Variants in ACTR3C observed in about 807,000 individuals in gnomAD.
The protein encoded by ACTR3C is actin related protein 3C.
ACTR3C carries 18 observed loss-of-function variants against 26.3 expected under a neutral mutation model. The observed-to-expected ratio is 0.68, with a 90% CI of 0.47 to 1.01. ACTR3C has a LOEUF of 1.01. Ranked by LOEUF, ACTR3C falls within the 50% of genes least tolerant of loss-of-function variation. ACTR3C has a pLI of 0.00. For missense variants in ACTR3C, 184 were observed against 250.7 expected, an observed-to-expected ratio of 0.73 and a Z score of 1.80; for synonymous variants, 55 against 94.5, an observed-to-expected ratio of 0.58 and a Z score of 2.42.
the ACTR3C span, among the ~76,000 whole-genome samples, chr7:150,146,166 A>C: frequency 6.6e-6 from 1 of 151,878 alleles, no homozygotes; most frequent in Non-Finnish European, 1.5e-5. Flanking sequence ...CTGAAAATTT[A>C]CAATAAAAAT....
chr7:149,910,458 T>C, the ACTR3C span, among the ~76,000 whole-genome samples: 1 of 151,268 alleles, frequency 6.6e-6, no homozygotes, highest in African/African-American at 2.4e-5. Context: ...CTCCTAAATA[T>C]AAAAGGGGGG....
chr7:150,042,351 CCG>C, the ACTR3C span, among the ~76,000 whole-genome samples: 2 of 126,344 alleles, frequency 1.6e-5, no homozygotes, highest in Non-Finnish European at 3.4e-5. Context: ...GGGGGTGCCT[CCG>C]CCCCCAGCGA....
At chr7:150,263,627 G>T (rs903993968) in intron 6 of ACTR3C, among the ~76,000 whole-genome samples, 4 of 152,108 alleles carry the variant, frequency 2.6e-5, no homozygotes, top group African/African-American at 9.7e-5. Context: ...TTCAGATTCA[G>T]AAATCCCAGT....
the ACTR3C span, among the ~76,000 whole-genome samples, chr7:150,018,328 G>GCCA: frequency 0.53 from 78,993 of 147,764 alleles, 22,388 homozygotes; most frequent in East Asian, 0.64. Context: ...ACAGGCGTGA[G>GCCA]CCACAACTGG....
chr7:150,244,608 C>T (rs924639831), downstream of ACTR3C: 1 of 152,048 alleles, frequency 6.6e-6, no homozygotes, highest in African/African-American at 2.4e-5. Context: ...GAGCTAATGC[C>T]ATTTGGGAGC....
At chr7:150,210,324 A>T in the ACTR3C span, among the ~76,000 whole-genome samples, 5 of 150,826 alleles carry the variant, frequency 3.3e-5, no homozygotes, top group African/African-American at 5.0e-5. Context: ...TTTCTTTAAA[A>T]GTTGAACATA....
chr7:150,311,233 C>A (rs1446131750), intron 1 of ACTR3C, among the ~76,000 whole-genome samples: 1 of 152,144 alleles, frequency 6.6e-6, no homozygotes, highest in African/African-American at 2.4e-5. Flanking sequence ...TCATCTCAAC[C>A]TTTTTCCGTC....
At chr7:150,158,878 GCA>G in the ACTR3C span, among the ~76,000 whole-genome samples, 1 of 146,762 alleles carries the variant, frequency 6.8e-6, no homozygotes, top group Admixed American at 6.8e-5. Flanking sequence ...ACACACACGT[GCA>G]CACAGACGCA....
the ACTR3C span, among the ~76,000 whole-genome samples, chr7:150,198,792 CGGGA>C: frequency 2.5e-4 from 31 of 125,956 alleles, no homozygotes; most frequent in Admixed American, 2.3e-3. Flanking sequence ...CCGTGCCGTC[CGGGA>C]GGGAGGTGGG....
the ACTR3C span, among the ~76,000 whole-genome samples, chr7:150,138,859 C>T: frequency 6.6e-5 from 10 of 152,416 alleles, no homozygotes; most frequent in Non-Finnish European, 1.3e-4. Flanking sequence ...GCATCAGATC[C>T]TCATAGGAGT....
the ACTR3C span, among the ~76,000 whole-genome samples, chr7:150,085,261 G>A: frequency 2.0e-5 from 3 of 152,140 alleles, no homozygotes; most frequent in Non-Finnish European, 1.5e-5. Flanking sequence ...TCATCATATG[G>A]CCAGTATATG....
At chr7:150,251,471 T>C (rs1486603103) in intron 6 of ACTR3C, among the ~76,000 whole-genome samples, 3 of 152,210 alleles carry the variant, frequency 2.0e-5, no homozygotes, top group African/African-American at 7.2e-5. Flanking sequence ...TATAGAATTA[T>C]AACAATATTC....
At chr7:150,185,259 C>A in the ACTR3C span, among the ~76,000 whole-genome samples, 1 of 144,170 alleles carries the variant, frequency 6.9e-6, no homozygotes. Flanking sequence ...ATTGAATAGT[C>A]AATATTAAAT....
intron 6 of ACTR3C, among the ~76,000 whole-genome samples, chr7:150,253,156 G>A (rs765964941): frequency 5.9e-5 from 9 of 152,088 alleles, no homozygotes; most frequent in Non-Finnish European, 8.8e-5. Flanking sequence ...GTGGCAGAGC[G>A]GGCCCAACAG....
At chr7:150,161,202 T>TTATATA in the ACTR3C span, among the ~76,000 whole-genome samples, 655 of 102,990 alleles carry the variant, frequency 6.4e-3, 75 homozygotes, top group African/African-American at 0.027. Context: ...AGGAAAGTAT[T>TTATATA]TATATATATA....
At chr7:150,088,312 G>A in the ACTR3C span, among the ~76,000 whole-genome samples, 8 of 152,210 alleles carry the variant, frequency 5.3e-5, no homozygotes, top group East Asian at 5.8e-4. Context: ...GAATTTTCTC[G>A]AATTTCCATC....
At chr7:150,293,006 G>A (rs1322134773) in intron 3 of ACTR3C, among the ~76,000 whole-genome samples, 2 of 152,138 alleles carry the variant, frequency 1.3e-5, no homozygotes, top group Non-Finnish European at 2.9e-5. Context: ...ATCAAGCAGA[G>A]GCTCTGAAGA....
chr7:149,994,457 A>C, the ACTR3C span, among the ~76,000 whole-genome samples: 148,851 of 152,166 alleles, frequency 0.98, 72,854 homozygotes, highest in East Asian at 1. Context: ...ATTAGCTGGG[A>C]GTATTGGTGT....
chr7:149,966,304 C>A, the ACTR3C span, among the ~76,000 whole-genome samples: 1 of 152,288 alleles, frequency 6.6e-6, no homozygotes, highest in African/African-American at 2.4e-5. Context: ...TGAGGCAGGG[C>A]CACTGTCAGG....
Sources: allele counts gnomAD v4.1 joint callset (sites outside exome capture counted in the v4.1 genomes callset), GRCh38; gene constraint gnomAD v4.1.1; transcripts MANE v1.5; gene names NCBI Gene and HGNC (gene_info 2026-07-23, HGNC 2026-07-21).